Variants in LRRTM4 observed in about 807,000 individuals in gnomAD.
LRRTM4 encodes leucine rich repeat transmembrane neuronal 4.
A neutral mutation model predicts 47.6 loss-of-function variants in LRRTM4; 25 were observed. The observed-to-expected ratio is 0.53, with a 90% CI of 0.38 to 0.73. The LOEUF (loss-of-function observed/expected upper bound fraction) is 0.73. LRRTM4 is among the 30% of genes least tolerant of loss of function. The pLI is 0.00. For missense variants in LRRTM4, 638 were observed against 713.4 expected (o/e 0.89, Z 1.20); for synonymous variants, 311 against 269.5 (o/e 1.15, Z -1.51).
At chr2:77,423,301 C>A (rs1674975623) in intron 3 of LRRTM4, among the ~76,000 whole-genome samples, 1 of 151,342 alleles carries the variant, frequency 6.6e-6, no homozygotes, top group African/African-American at 2.4e-5. Flanking sequence ...GCACATGGGT[C>A]TTTTATAAAT....
At chr2:76,774,300 T>C (rs969860599) in intron 3 of LRRTM4, among the ~76,000 whole-genome samples, 1 of 152,010 alleles carries the variant, frequency 6.6e-6, no homozygotes, top group Non-Finnish European at 1.5e-5. Flanking sequence ...CAAGCAATTC[T>C]CCTGCCTCAA....
rs1038705952 is a variant in LRRTM4, at chr2:77,518,187, T to C, written c.1551+131A>G. The C allele has an allele frequency of 3.0e-6, 4 of 1,345,002 alleles. No homozygotes were observed. The African/African-American group carries it at 5.9e-5, about 20-fold the overall frequency. 83.3% of individuals were successfully genotyped at this position (1,345,002 alleles called of 1,614,324 possible). On this transcript the variant is annotated intron_variant, in intron 3 of 3. Transcript: ENST00000409884. Reference sequence around the variant, plus strand: ...GGTTGTAATTTAATTAAGTAACCTTTCACACTGAGCAAAACCCAAAAGCAA... The same window carrying C: ...GGTTGTAATTTAATTAAGTAACCTTCCACACTGAGCAAAACCCAAAAGCAA...
At chr2:77,487,898 T>C (rs1487240463) in intron 3 of LRRTM4, among the ~76,000 whole-genome samples, 1 of 152,184 alleles carries the variant, frequency 6.6e-6, no homozygotes, top group Admixed American at 6.5e-5. Flanking sequence ...ACTTCGGGTC[T>C]CCTGAGACCT....
At chr2:77,511,648 A>T (rs535874640) in intron 3 of LRRTM4, among the ~76,000 whole-genome samples, 1 of 152,016 alleles carries the variant, frequency 6.6e-6, no homozygotes, top group Non-Finnish European at 1.5e-5. Flanking sequence ...TTGTTTGTAC[A>T]TGGAAAGAAA....
chr2:76,964,099 T>C (rs1675947674), intron 3 of LRRTM4, among the ~76,000 whole-genome samples: 1 of 150,918 alleles, frequency 6.6e-6, no homozygotes, highest in African/African-American at 2.4e-5. Flanking sequence ...CAGAATTCAT[T>C]TGGAATTCTA....
At chr2:77,049,845 C>A (rs1225034178) in intron 3 of LRRTM4, among the ~76,000 whole-genome samples, 2 of 151,914 alleles carry the variant, frequency 1.3e-5, no homozygotes, top group Non-Finnish European at 2.9e-5. Context: ...TTTTTGAGAT[C>A]TTGTTCATGA....
intron 3 of LRRTM4, among the ~76,000 whole-genome samples, chr2:76,905,077 C>A (rs1673778150): frequency 6.6e-6 from 1 of 152,110 alleles, no homozygotes; most frequent in South Asian, 2.1e-4. Context: ...GACCACTGAG[C>A]AGCCTAACTA....
intron 3 of LRRTM4, among the ~76,000 whole-genome samples, chr2:77,181,061 G>A (rs13430775): frequency 0.11 from 17,233 of 152,038 alleles, 2,611 homozygotes; most frequent in African/African-American, 0.35. Flanking sequence ...ACTTACAAAT[G>A]ACTTTACCAA....
intron 3 of LRRTM4, among the ~76,000 whole-genome samples, chr2:77,449,491 A>G (rs1391832522): frequency 6.6e-6 from 1 of 152,068 alleles, no homozygotes. Flanking sequence ...ATTTTATGGA[A>G]TCTCCCATCT....
At chr2:76,778,883 C>G (rs1021310067) in intron 3 of LRRTM4, among the ~76,000 whole-genome samples, 2 of 151,762 alleles carry the variant, frequency 1.3e-5, no homozygotes, top group African/African-American at 2.4e-5. Flanking sequence ...TTCCTGCTTT[C>G]TTTTGTGGGC....
At chr2:77,052,652 TTTA>T (rs1286445592) in intron 3 of LRRTM4, among the ~76,000 whole-genome samples, 5 of 152,084 alleles carry the variant, frequency 3.3e-5, no homozygotes, top group African/African-American at 9.7e-5. Context: ...TATAACAGGT[TTTA>T]TTATAACATT....
chr2:76,958,447 C>T (rs894724468), intron 3 of LRRTM4, among the ~76,000 whole-genome samples: 2 of 151,782 alleles, frequency 1.3e-5, no homozygotes, highest in Non-Finnish European at 2.9e-5. Flanking sequence ...GAAACACCTA[C>T]GCTGATATTG....
intron 3 of LRRTM4, among the ~76,000 whole-genome samples, chr2:77,077,624 A>G (rs1434131157): frequency 6.6e-6 from 1 of 152,142 alleles, no homozygotes; most frequent in Non-Finnish European, 1.5e-5. Context: ...ACCTACTGAG[A>G]TAATTCCAGT....
intron 3 of LRRTM4, among the ~76,000 whole-genome samples, chr2:76,859,027 A>G (rs542632298): frequency 4.9e-4 from 74 of 152,330 alleles, no homozygotes; most frequent in African/African-American, 1.7e-3. Flanking sequence ...GGCTTCTTCA[A>G]TCTCAACACA....
At chr2:76,963,100 T>C (rs527408317) in intron 3 of LRRTM4, among the ~76,000 whole-genome samples, 1 of 150,976 alleles carries the variant, frequency 6.6e-6, no homozygotes, top group Non-Finnish European at 1.5e-5. Context: ...TCAATGTAAT[T>C]ATTTAATTGA....
chr2:77,011,366 C>G (rs901491486), intron 3 of LRRTM4, among the ~76,000 whole-genome samples: 2 of 151,978 alleles, frequency 1.3e-5, no homozygotes, highest in Non-Finnish European at 2.9e-5. Context: ...GAGTGGCTAT[C>G]ACATTGGATA....
chr2:76,772,923 C>T (rs1417088882), intron 3 of LRRTM4: 1 of 152,110 alleles, frequency 6.6e-6, no homozygotes, highest in Admixed American at 6.6e-5. Context: ...ACTACCATAT[C>T]ACCCTGTATG....
chr2:77,091,506 G>A (rs1393551158), intron 3 of LRRTM4, among the ~76,000 whole-genome samples: 2 of 150,930 alleles, frequency 1.3e-5, no homozygotes, highest in Non-Finnish European at 2.9e-5. Context: ...AGTTAGTTCA[G>A]GATCTGCGCC....
chr2:77,441,378 T>C (rs1156486947), intron 3 of LRRTM4, among the ~76,000 whole-genome samples: 2 of 152,230 alleles, frequency 1.3e-5, no homozygotes, highest in African/African-American at 4.8e-5. Context: ...GGATGCTTAC[T>C]GTTTTCCAGG....
Sources: allele counts gnomAD v4.1 joint callset (sites outside exome capture counted in the v4.1 genomes callset), GRCh38; gene constraint gnomAD v4.1.1; transcripts MANE v1.5; gene names NCBI Gene and HGNC (gene_info 2026-07-23, HGNC 2026-07-21).